The following AFAP1L1 variants were observed in gnomAD, a reference collection of about 807,000 sequenced individuals.
AFAP1L1 encodes actin filament-associated protein 1-like 1.
In AFAP1L1, 77 loss-of-function variants were observed where a neutral mutation model predicts 99.8. The observed-to-expected ratio is 0.77, with a 90% CI of 0.64 to 0.93. The LOEUF is 0.93. AFAP1L1 is among the 40% of genes least tolerant of loss of function. AFAP1L1 has a pLI of 0.00. For synonymous variants in AFAP1L1, 373 were observed against 395.3 expected, an observed-to-expected ratio of 0.94 and a Z score of 0.67; for missense variants, 893 against 996.8, an observed-to-expected ratio of 0.90 and a Z score of 1.40.
chr5:149,324,965 C>G (rs190421013), intron 15 of AFAP1L1, among the ~76,000 whole-genome samples: 239 of 152,278 alleles, frequency 1.6e-3, no homozygotes, highest in Middle Eastern at 3.4e-3. Context: ...AATGGTTACA[C>G]AGGTCAGCAC....
chr5:149,327,767 A>G (rs1380222969), intron 15 of AFAP1L1, among the ~76,000 whole-genome samples: 1 of 152,166 alleles, frequency 6.6e-6, no homozygotes, highest in African/African-American at 2.4e-5. Context: ...AGAATGAAGA[A>G]AAATGACAGA....
At chr5:149,282,842 TACG>T (rs1331085034) in intron 1 of AFAP1L1, among the ~76,000 whole-genome samples, 1 of 152,200 alleles carries the variant, frequency 6.6e-6, no homozygotes. Flanking sequence ...CCTTAAACCA[TACG>T]AGAGTGTGTA....
At chr5:149,329,962 TCTC>T (rs544510209) in intron 16 of AFAP1L1, 132 bp downstream of exon 16, 232 of 680,780 alleles carry the variant, frequency 3.4e-4, no homozygotes, top group South Asian at 2.6e-3. Context: ...CCCTCCTCCT[TCTC>T]CTCCTCCTCC....
chr5:149,302,085 C>CGT (rs1756239251), intron 4 of AFAP1L1, among the ~76,000 whole-genome samples: 1 of 152,192 alleles, frequency 6.6e-6, no homozygotes, highest in South Asian at 2.1e-4. Flanking sequence ...TACTGCACCT[C>CGT]GTGTGTGTGT....
Position 149,340,610 on chromosome 5 carries a change from A to G in AFAP1L1, c.*580A>G, listed in dbSNP as rs1191304746. 1 of 152,760 alleles carries G rather than the reference A, an allele frequency of 6.5e-6. No individual in the cohort carries two copies. Among genetic ancestry groups the G allele is most frequent in the African/African-American group, 2.4e-5 (1 of 41,468 alleles). 9.5% of individuals were successfully genotyped at this position (152,760 alleles called of 1,614,324 possible). ...GCTATAGAGGACATGCAAATTCTAC[A>G]GTCATTCCTCATATGCTTTAGACAG... On this transcript the variant is annotated 3_prime_UTR_variant, in exon 19 of 19. Transcript: ENST00000296721.
intron 13 of AFAP1L1, 119 bp downstream of exon 13, chr5:149,319,846 T>C: frequency 7.1e-7 from 1 of 1,400,556 alleles, no homozygotes. Context: ...AAAGCTCCGC[T>C]TCCTTGGTAA....
intron 16 of AFAP1L1, 45 bp downstream of exon 16, chr5:149,329,875 C>T (rs1416673493): frequency 3.9e-6 from 6 of 1,532,234 alleles, no homozygotes; most frequent in Non-Finnish European, 5.3e-6. Context: ...GTGGCCAGCT[C>T]ATCCTTGGGT....
chr5:149,311,673 G>T (rs1756634333), intron 8 of AFAP1L1, among the ~76,000 whole-genome samples: 1 of 152,212 alleles, frequency 6.6e-6, no homozygotes, highest in East Asian at 1.9e-4. Flanking sequence ...CCTACAGGTT[G>T]CTGTAAAGGT....
intron 1 of AFAP1L1, among the ~76,000 whole-genome samples, chr5:149,290,887 C>A (rs1693900): frequency 0.73 from 110,634 of 152,242 alleles, 42,174 homozygotes; most frequent in Non-Finnish European, 0.83. Flanking sequence ...AAACATTTGC[C>A]CTATGTTTGG....
intron 5 of AFAP1L1, among the ~76,000 whole-genome samples, chr5:149,302,967 G>A (rs1756279988): frequency 6.6e-6 from 1 of 152,180 alleles, no homozygotes; most frequent in Admixed American, 6.5e-5. Context: ...TCCTATAGGT[G>A]GGTTAGGTTA....
chr5:149,299,528 A>G lies in AFAP1L1; in HGVS notation c.36A>G (p.Pro12=), dbSNP rs1169289883. The G allele has an allele frequency of 1.9e-6, 3 of 1,613,996 alleles. No individual in the cohort carries two copies. Among genetic ancestry groups the G allele is most frequent in the African/African-American group, 1.3e-5 (1 of 74,916 alleles). The part of the protein sequence containing the change: ...DRGQVLEQLL[P]ELTGLLSLLD... The stretch of plus-strand genomic sequence containing the variant: ...CCGCAGTGCTGGAGCAGCTGCTCCC[A>G]GAGCTCACCGGGCTGCTCAGCCTCC... Residue 12 remains proline, a synonymous_variant, in exon 2 of 19, where the codon CCA becomes CCG. Transcript: ENST00000296721.
Position 149,322,731 on chromosome 5 carries a change from G to A in AFAP1L1, c.1810+14G>A. On this transcript the variant is annotated intron_variant, in intron 15 of 18. Transcript: ENST00000296721. ...GCCACGCCTCCAGTGAGTTGTGTGTGGGCCTCCCCTGCTGACTAGGGAGGA... is the reference window on the plus strand; with the variant it reads ...GCCACGCCTCCAGTGAGTTGTGTGTAGGCCTCCCCTGCTGACTAGGGAGGA... The A allele has an allele frequency of 6.4e-7, 1 of 1,564,292 alleles. No individual in the cohort carries two copies. The highest frequency in any genetic ancestry group is 8.7e-7 in the Non-Finnish European group (1 of 1,151,988).
intron 8 of AFAP1L1, 35 bp from the exon 9 acceptor site, chr5:149,312,077 G>A: frequency 6.3e-7 from 1 of 1,593,806 alleles, no homozygotes; most frequent in Admixed American, 1.7e-5. Flanking sequence ...CAGCTTCCCT[G>A]CCCACCCGTT....
rs1268525678 is a variant in AFAP1L1 at position 149,343,348 on chromosome 5, C to A, written c.*3318C>A. Among the ~76,000 whole-genome samples, 2 of 152,072 alleles carry A rather than the reference C, an allele frequency of 1.3e-5. No homozygotes were observed. Among genetic ancestry groups the A allele is most frequent in the African/African-American group, 2.4e-5 (1 of 41,404 alleles). On this transcript the variant is annotated 3_prime_UTR_variant, in exon 19 of 19. Transcript: ENST00000296721. ...TCCCTTAAAAAAAAAAATTAAGGGA[C>A]TATCCAGTAACTAAGCTGGCAACTC...
intron 15 of AFAP1L1, among the ~76,000 whole-genome samples, chr5:149,324,836 T>G (rs919126471): frequency 6.6e-6 from 1 of 152,178 alleles, no homozygotes; most frequent in Admixed American, 6.5e-5. Context: ...CTTATCCTTG[T>G]GATGTGACAG....
At position 149,332,878 on chromosome 5, in the gene AFAP1L1, GT is replaced by G; in HGVS notation, c.2154+6del. 1 of 1,570,654 alleles carries G rather than the reference GT, an allele frequency of 6.4e-7. No homozygotes were observed. Reference sequence around the variant, plus strand: ...AGCAGCAAGCCCAAGAGTGGGGTGAGTCCAGGCCCTTCCATGCCAGGGGCAG... The same window carrying G: ...AGCAGCAAGCCCAAGAGTGGGGTGAGCCAGGCCCTTCCATGCCAGGGGCAG... On this transcript the variant is annotated splice_donor_region_variant and intron_variant, in intron 17 of 18. Transcript: ENST00000296721.
At chr5:149,279,836 C>A (rs1284079234) in intron 1 of AFAP1L1, among the ~76,000 whole-genome samples, 1 of 152,194 alleles carries the variant, frequency 6.6e-6, no homozygotes, top group Non-Finnish European at 1.5e-5. Context: ...TAGCTCACTG[C>A]TGAAATATGA....
At position 149,307,411 on chromosome 5, in the gene AFAP1L1, C is replaced by G. The variant is rs376517590; in HGVS notation, c.545C>G (p.Ser182Cys). 1.2e-6 allele frequency: 2 copies of G among 1,613,980 alleles called. No individual in the cohort carries two copies. Among genetic ancestry groups the G allele is most frequent in the Non-Finnish European group, 1.7e-6 (2 of 1,180,026 alleles). The stretch of plus-strand genomic sequence containing the variant: ...CCCGTGACGCCTGCAGATAATGACT[C>G]TGACGCAATGAGCAGCTCCTATGAG... The part of the protein sequence containing the change: ...NGELKSSYND[S>C]DAMSSSYESY... The change falls in exon 7 of 19, where the codon TCT becomes TGT. Residue 182 changes from serine (S) to cysteine (C), a missense_variant. By Grantham distance (112) the Ser-to-Cys change is moderately radical. Transcript: ENST00000296721.
chr5:149,302,640 A>C, intron 5 of AFAP1L1, 114 bp downstream of exon 5: 35 of 877,184 alleles, frequency 4.0e-5, no homozygotes, highest in Non-Finnish European at 4.9e-5. Context: ...CCTCCCAACC[A>C]TGTCACCATT....
Sources: allele counts gnomAD v4.1 joint callset (sites outside exome capture counted in the v4.1 genomes callset), GRCh38; gene constraint gnomAD v4.1.1; transcripts MANE v1.5; gene names NCBI Gene and HGNC (gene_info 2026-07-23, HGNC 2026-07-21).